The following BEND7 variants were observed in gnomAD, a reference collection of about 807,000 sequenced individuals.
BEND7 encodes the protein BEN domain containing 7.
BEND7 carries 28 observed loss-of-function variants against 50.9 expected under a neutral mutation model. That is an observed-to-expected ratio of 0.55 (90% CI 0.41 to 0.75). The LOEUF is 0.75. Among genes scored for constraint, BEND7 ranks in the 30% least tolerant of loss-of-function variants. The pLI is 0.00. For missense variants in BEND7, 477 were observed against 491.3 expected, an observed-to-expected ratio of 0.97 and a Z score of 0.28; for synonymous variants, 170 against 183.9, an observed-to-expected ratio of 0.92 and a Z score of 0.61.
chr10:13,465,144 T>C (rs987273966), intron 6 of BEND7, among the ~76,000 whole-genome samples: 2 of 152,170 alleles, frequency 1.3e-5, no homozygotes, highest in Non-Finnish European at 2.9e-5. Context: ...AAAGAGTAAA[T>C]CTGAGAAAGT....
intron 2 of BEND7, among the ~76,000 whole-genome samples, chr10:13,524,195 T>G (rs1302689101): frequency 6.6e-6 from 1 of 152,202 alleles, no homozygotes; most frequent in Non-Finnish European, 1.5e-5. Context: ...ACTTTTCTAG[T>G]AGTACACAAC....
intron 2 of BEND7, among the ~76,000 whole-genome samples, chr10:13,522,871 T>C (rs2079175461): frequency 1.3e-5 from 2 of 152,216 alleles, no homozygotes; most frequent in African/African-American, 2.4e-5. Context: ...TCTAGGCTCA[T>C]CTACAAAATG....
At chr10:13,512,335 A>C (rs2132481574) in intron 2 of BEND7, among the ~76,000 whole-genome samples, 1 of 152,326 alleles carries the variant, frequency 6.6e-6, no homozygotes, top group African/African-American at 2.4e-5. Context: ...GCCAAAGATG[A>C]AAACTTCAGA....
At chr10:13,443,262 C>G (rs1835607508) in intron 8 of BEND7, 1 of 152,626 alleles carries the variant, frequency 6.6e-6, no homozygotes, top group Non-Finnish European at 1.5e-5. Context: ...TTTGCAGGAA[C>G]CTGAAATGCT....
At chr10:13,440,427 C>A (rs970575214), downstream of BEND7, among the ~76,000 whole-genome samples, 9 of 152,360 alleles carry the variant, frequency 5.9e-5, no homozygotes, top group Admixed American at 5.2e-4. Flanking sequence ...CCCTGTGGCT[C>A]CCTGCCCAGG....
chr10:13,455,404 G>A (rs991505588), intron 6 of BEND7, among the ~76,000 whole-genome samples: 2 of 152,024 alleles, frequency 1.3e-5, no homozygotes, highest in Non-Finnish European at 2.9e-5. Flanking sequence ...TCATAAAAAG[G>A]AGGGACCAGC....
intron 6 of BEND7, among the ~76,000 whole-genome samples, chr10:13,469,600 C>T (rs1040366303): frequency 1.3e-5 from 2 of 152,136 alleles, no homozygotes; most frequent in Non-Finnish European, 2.9e-5. Context: ...CCTCAGCCTC[C>T]TGAGCAGCTG....
Position 13,452,571 on chromosome 10 carries a change from T to A in BEND7, c.1151A>T (p.Lys384Ile). The change falls in exon 7 of 9, where the codon AAA becomes ATA. Residue 384 changes from lysine (K) to isoleucine (I), a missense_variant. Coordinates refer to ENST00000466271, the MANE Select transcript of BEND7 (RefSeq NM_001369863.1). ...DWVQILQDQIKLARRRLKRGS... is the reference protein window; with the variant it reads ...DWVQILQDQIILARRRLKRGS... ...TCTTTTTAACCTTCTTCTGGCCAGTTTAATTTGATCCTGTAGAATCTGTAC... is the reference window on the plus strand; with the variant it reads ...TCTTTTTAACCTTCTTCTGGCCAGTATAATTTGATCCTGTAGAATCTGTAC... The A allele has an allele frequency of 6.2e-7, 1 of 1,613,388 alleles. No homozygotes were observed. Among genetic ancestry groups the A allele is most frequent in the Non-Finnish European group, 8.5e-7 (1 of 1,179,642 alleles).
intron 7 of BEND7, among the ~76,000 whole-genome samples, chr10:13,451,194 T>C (rs1174509807): frequency 6.6e-6 from 1 of 151,606 alleles, no homozygotes; most frequent in East Asian, 1.9e-4. Flanking sequence ...CTCCACCTTT[T>C]TTTTTTTTTT....
At chr10:13,491,840 A>G (rs1334774320) in intron 5 of BEND7, among the ~76,000 whole-genome samples, 2 of 152,194 alleles carry the variant, frequency 1.3e-5, no homozygotes, top group South Asian at 2.1e-4. Flanking sequence ...TTCTCGTCCT[A>G]TGCAATCTGA....
rs138295951 is a variant in BEND7 at position 13,448,558 on chromosome 10, T to C, written c.1184-1242A>G. Among the ~76,000 whole-genome samples the C allele has an allele frequency of 5.3e-3, 810 of 152,286 alleles. 7 individuals carry two copies. The highest frequency in any genetic ancestry group is 0.018 in the African/African-American group (748 of 41,554). On this transcript the variant is annotated intron_variant, in intron 7 of 8. Coordinates refer to ENST00000466271, the MANE Select transcript of BEND7 (RefSeq NM_001369863.1). Reference sequence around the variant, plus strand: ...AGAAATATTGTATGGCTCCCCTGTCTCCTTCATCCTCCAACATCTTGTCCT... The same window carrying C: ...AGAAATATTGTATGGCTCCCCTGTCCCCTTCATCCTCCAACATCTTGTCCT...
intron 6 of BEND7, among the ~76,000 whole-genome samples, chr10:13,462,590 A>T: frequency 6.6e-6 from 1 of 152,344 alleles, no homozygotes. Flanking sequence ...CACTGAGTGG[A>T]ACAGGGAGAT....
In BEND7 at chr10:13,499,971, T is replaced by C. The variant is rs767058678; in HGVS notation, c.255A>G (p.Lys85=). 4 of 1,614,242 alleles carry C rather than the reference T, an allele frequency of 2.5e-6. No individual in the cohort carries two copies. In the South Asian group the frequency reaches 3.3e-5, roughly 13 times the overall value. The change falls in exon 3 of 9, where the codon AAA becomes AAG. Residue 85 remains lysine (K), a synonymous_variant. Transcript: ENST00000466271. ...CTAAATCCAGGTCCTGGGGCTCTTC[T>C]TTTAGTTTCTCTCCTTCTTTGCCAA... ...QRVGKEGEKL[K]EEPQDLDLVW...
In BEND7 at chr10:13,499,836, C is replaced by T. The variant is rs1208751554; in HGVS notation, c.390G>A (p.Gln130=). ...LPPQSGQFSG[Q]YGTRSRTFQS... is the part of the protein sequence containing the mutation. ...GGAAGGTTCTAGAACGGGTGCCATA[C>T]TGCCCTGAGAACTGTCCACTCTGGG... Residue 130 remains glutamine, a synonymous_variant, in exon 3 of 9, where the codon CAG becomes CAA. Transcript: ENST00000466271. 3.1e-6 allele frequency: 5 copies of T among 1,614,122 alleles called. No individual in the cohort carries two copies. Among genetic ancestry groups the T allele is most frequent in the Non-Finnish European group, 4.2e-6 (5 of 1,179,952 alleles).
downstream of BEND7, among the ~76,000 whole-genome samples, chr10:13,439,749 C>A (rs1307028849): frequency 6.6e-6 from 1 of 152,164 alleles, no homozygotes; most frequent in African/African-American, 2.4e-5. Flanking sequence ...GTCTTCAGCC[C>A]GCCCCCTCCT....
rs987700018 is a variant in BEND7 at position 13,500,605 on chromosome 10, T to C, written c.146-525A>G. 5.1e-6 allele frequency: 5 copies of C among 986,570 alleles called. No individual in the cohort carries two copies. In the African/African-American group the frequency reaches 8.7e-5, roughly 17 times the overall value. The allele number at this position is 986,570 out of a possible 1,614,324, so 61.1% of individuals were successfully genotyped here. Reference sequence around the variant, plus strand: ...ACTACTGACACAATGTCCTTCAGGATGACTGGCAGGGATGCAGGGCTTCAC... The same window carrying C: ...ACTACTGACACAATGTCCTTCAGGACGACTGGCAGGGATGCAGGGCTTCAC... On this transcript the variant is annotated intron_variant, in intron 2 of 8. Transcript: ENST00000466271.
intron 5 of BEND7, among the ~76,000 whole-genome samples, chr10:13,490,433 C>T (rs1311235087): frequency 1.3e-5 from 2 of 152,192 alleles, no homozygotes; most frequent in East Asian, 3.9e-4. Context: ...AGCAAGTTTC[C>T]CAGATGGGAA....
Position 13,487,148 on chromosome 10 carries a change from T to G in BEND7, c.837+5463A>C, listed in dbSNP as rs551805437. Among the ~76,000 whole-genome samples the G allele has an allele frequency of 1.8e-3, 274 of 152,336 alleles. 1 individual carries two copies. Among genetic ancestry groups the G allele is most frequent in the Non-Finnish European group, 2.3e-3 (157 of 68,034 alleles). ...AACATTTATTTGCTATTTACTATAT[T>G]CCATGCCCTAGGCTAACACATATCA... On this transcript the variant is annotated intron_variant, in intron 5 of 8. Transcript: ENST00000466271.
At chr10:13,503,585 C>T (rs997876456) in intron 2 of BEND7, among the ~76,000 whole-genome samples, 6 of 152,136 alleles carry the variant, frequency 3.9e-5, no homozygotes, top group East Asian at 1.9e-4. Context: ...TGGCAGCGCG[C>T]GCCTGTAGTT....
Sources: allele counts gnomAD v4.1 joint callset (sites outside exome capture counted in the v4.1 genomes callset), GRCh38; gene constraint gnomAD v4.1.1; transcripts MANE v1.5; gene names NCBI Gene and HGNC (gene_info 2026-07-23, HGNC 2026-07-21).